PPP2R5A: variants seen among roughly 807,000 people sequenced by gnomAD.
PPP2R5A encodes the protein serine/threonine-protein phosphatase 2A 56 kDa regulatory subunit alpha isoform.
PPP2R5A carries 25 observed loss-of-function variants against 64.2 expected under a neutral mutation model. The observed-to-expected ratio is 0.39, with a 90% CI of 0.28 to 0.54. PPP2R5A has a LOEUF of 0.54. Among genes scored for constraint, PPP2R5A ranks in the 20% least tolerant of loss-of-function variants. PPP2R5A has a pLI of 0.67. For synonymous variants in PPP2R5A, 198 were observed against 201.2 expected (o/e 0.98, Z 0.13); for missense variants, 425 against 576.3 (o/e 0.74, Z 2.69).
chr1:212,326,420 T>C (rs1659408572), intron 1 of PPP2R5A, among the ~76,000 whole-genome samples: 1 of 151,808 alleles, frequency 6.6e-6, no homozygotes, highest in South Asian at 2.1e-4. Flanking sequence ...ATGGTGAAAC[T>C]TCATCTCTAT....
chr1:212,350,976 TAA>T (rs61297300), intron 8 of PPP2R5A, among the ~76,000 whole-genome samples: 106,715 of 141,568 alleles, frequency 0.75, 39,864 homozygotes, highest in Non-Finnish European at 0.77. Context: ...CATTTCTACT[TAA>T]AAAAAAAAAA....
chr1:212,311,887 A>C (rs1280494023), intron 1 of PPP2R5A, among the ~76,000 whole-genome samples: 8 of 152,262 alleles, frequency 5.3e-5, no homozygotes, highest in Non-Finnish European at 4.4e-5. Context: ...TAAAGTTTAT[A>C]TAAAGTTACA....
At chr1:212,312,581 T>C (rs1034794022) in intron 1 of PPP2R5A, among the ~76,000 whole-genome samples, 3 of 152,222 alleles carry the variant, frequency 2.0e-5, no homozygotes, top group Admixed American at 2.0e-4. Context: ...ATAATTAGTA[T>C]CTTAGCCTTA....
rs1402667199 is a variant in PPP2R5A at position 212,361,169 on chromosome 1, G to C, written c.*399G>C. 6.5e-6 allele frequency: 1 copy of C among 153,284 alleles called. No individual in the cohort carries two copies. Among genetic ancestry groups the C allele is most frequent in the Admixed American group, 6.5e-5 (1 of 15,282 alleles). 9.5% of individuals were successfully genotyped at this position (153,284 alleles called of 1,614,324 possible). Reference sequence around the variant, plus strand: ...GCTTTTCACACTGCTGCAAACCTTAGTTACATCCTAGGAAAAAATACTTCC... The same window carrying C: ...GCTTTTCACACTGCTGCAAACCTTACTTACATCCTAGGAAAAAATACTTCC... On this transcript the variant is annotated 3_prime_UTR_variant, in exon 13 of 13. Coordinates refer to ENST00000261461, the MANE Select transcript of PPP2R5A (RefSeq NM_006243.4).
intron 6 of PPP2R5A, 26 bp downstream of exon 6, chr1:212,347,432 T>C (rs950022481): frequency 1.3e-5 from 20 of 1,501,880 alleles, no homozygotes; most frequent in Non-Finnish European, 1.8e-5. Context: ...TTGTTCTTTT[T>C]AAGAATTAAG....
rs973993420 is a variant in PPP2R5A, at chr1:212,348,613, A to T, written c.873+116A>T. 3.3e-5 allele frequency: 26 copies of T among 798,430 alleles called. No homozygotes were observed. In the East Asian group the frequency reaches 7.2e-4, roughly 22 times the overall value. The allele number at this position is 798,430 out of a possible 1,614,324, so 49.5% of individuals were successfully genotyped here. On this transcript the variant is annotated intron_variant, in intron 7 of 12. Coordinates refer to ENST00000261461, the MANE Select transcript of PPP2R5A (RefSeq NM_006243.4). ...TTAAGTATAATTAAGCAATTTGCTT[A>T]CAAAATTACCCAAAGCAAATTTTTC...
chr1:212,300,002 C>A (rs1044578047), intron 1 of PPP2R5A, among the ~76,000 whole-genome samples: 1 of 151,926 alleles, frequency 6.6e-6, no homozygotes, highest in South Asian at 2.1e-4. Context: ...TAGTAGATAA[C>A]GGGGTTTTGC....
chr1:212,355,222 A>G (rs962089802), intron 8 of PPP2R5A, among the ~76,000 whole-genome samples: 6 of 152,006 alleles, frequency 3.9e-5, no homozygotes, highest in Non-Finnish European at 8.8e-5. Flanking sequence ...TGATTTTTAT[A>G]TATGTATTTT....
chr1:212,344,982 G>A (rs1220627716), intron 4 of PPP2R5A, among the ~76,000 whole-genome samples: 1 of 152,138 alleles, frequency 6.6e-6, no homozygotes, highest in East Asian at 1.9e-4. Context: ...TGGGCAACAT[G>A]GTGAAACCCC....
intron 3 of PPP2R5A, among the ~76,000 whole-genome samples, chr1:212,334,886 CTGT>C (rs557872681): frequency 5.6e-4 from 84 of 150,470 alleles, no homozygotes; most frequent in African/African-American, 2.1e-3. Context: ...TTTATTCTAC[CTGT>C]TGTTTATTGA....
chr1:212,307,110 T>C (rs964646461), intron 1 of PPP2R5A, among the ~76,000 whole-genome samples: 3 of 152,226 alleles, frequency 2.0e-5, no homozygotes, highest in Admixed American at 6.5e-5. Flanking sequence ...GATTTATGCC[T>C]GCCATTTTAC....
intron 1 of PPP2R5A, among the ~76,000 whole-genome samples, chr1:212,307,093 A>G (rs116832535): frequency 0.024 from 3,599 of 152,172 alleles, 75 homozygotes; most frequent in Admixed American, 0.056. Flanking sequence ...AGTTGTTCAT[A>G]TAGTTGGATT....
chr1:212,339,260 C>G (rs1659644303), intron 3 of PPP2R5A, among the ~76,000 whole-genome samples: 1 of 152,184 alleles, frequency 6.6e-6, no homozygotes, highest in Non-Finnish European at 1.5e-5. Context: ...TCACTGCAAC[C>G]TCTGCCTCTC....
At chr1:212,325,531 GAGTTT>G (rs1165798680) in intron 1 of PPP2R5A, among the ~76,000 whole-genome samples, 1 of 152,056 alleles carries the variant, frequency 6.6e-6, no homozygotes, top group Non-Finnish European at 1.5e-5. Flanking sequence ...GATCTTGTGT[GAGTTT>G]GTATTACTAT....
At chr1:212,297,158 A>G (rs2440735) in intron 1 of PPP2R5A, among the ~76,000 whole-genome samples, 107,688 of 127,078 alleles carry the variant, frequency 0.85, 45,809 homozygotes, top group African/African-American at 0.95. Flanking sequence ...GTCTCACTCT[A>G]TCGCCCAGGC....
At chr1:212,354,250 G>A (rs1659938587) in intron 8 of PPP2R5A, among the ~76,000 whole-genome samples, 1 of 152,142 alleles carries the variant, frequency 6.6e-6, no homozygotes, top group African/African-American at 2.4e-5. Context: ...AGGCGTGGTG[G>A]CTCAGGACTG....
Position 212,293,011 on chromosome 1 carries a change from T to C in PPP2R5A, c.181+6720T>C, listed in dbSNP as rs113448031. ...CCCTTCCTCGTCCTTCTTTTCTGCT[T>C]ATCACTAGAGACAGAAACTAAAAAC... On this transcript the variant is annotated intron_variant, in intron 1 of 12. Transcript: ENST00000261461. Among the ~76,000 whole-genome samples, 126 of 152,330 alleles carry C rather than the reference T, an allele frequency of 8.3e-4. 1 individual carries two copies. The highest frequency in any genetic ancestry group is 2.9e-3 in the African/African-American group (122 of 41,574).
intron 6 of PPP2R5A, 80 bp from the exon 7 acceptor site, chr1:212,348,309 T>G (rs1451657578): frequency 2.3e-6 from 2 of 863,072 alleles, no homozygotes; most frequent in Non-Finnish European, 3.9e-6. Flanking sequence ...GCACTGTTCC[T>G]TATGTACTCA....
Position 212,322,205 on chromosome 1 carries a change from G to A in PPP2R5A, c.182-6930G>A, listed in dbSNP as rs934481324. 1.0e-3 allele frequency among the ~76,000 whole-genome samples: 155 copies of A among 148,460 alleles called. 2 individuals carry two copies. Among genetic ancestry groups the A allele is most frequent in the African/African-American group, 3.7e-3 (149 of 40,126 alleles). ...AAGAGAGGGAGAGGGAGACCGTGGG[G>A]AGAGGGAGACTGTGGGGAGAGGGAG... On this transcript the variant is annotated intron_variant, in intron 1 of 12. Coordinates refer to ENST00000261461, the MANE Select transcript of PPP2R5A (RefSeq NM_006243.4).
Sources: allele counts gnomAD v4.1 joint callset (sites outside exome capture counted in the v4.1 genomes callset), GRCh38; gene constraint gnomAD v4.1.1; transcripts MANE v1.5; gene names NCBI Gene and HGNC (gene_info 2026-07-23, HGNC 2026-07-21).